Variants in ATP10B observed in about 807,000 individuals in gnomAD.
The protein encoded by ATP10B is ATPase phospholipid transporting 10B (putative), also known as phospholipid-transporting ATPase VB.
ATP10B carries 122 observed loss-of-function variants against 141.2 expected under a neutral mutation model. The ratio of observed to expected loss-of-function variants is 0.86; its 90% CI spans 0.75 to 1.00. The LOEUF is 1.00. Among genes scored for constraint, ATP10B ranks in the 50% least tolerant of loss-of-function variants. The pLI, the probability that ATP10B is intolerant of heterozygous loss-of-function variation, is 0.00. For synonymous variants in ATP10B, 685 were observed against 692.0 expected (o/e 0.99, Z 0.16); for missense variants, 1,876 against 1,825.3 (o/e 1.03, Z -0.51).
chr5:160,603,955 A>C lies in ATP10B; in HGVS notation c.3237+10T>G. On this transcript the variant is annotated intron_variant, in intron 20 of 25. Transcript: ENST00000327245. ...ACCAAAGAAAGAAGAATAGTTGCAG[A>C]GAACAATACCTGCATGCCTTCCTGT... is the stretch of plus-strand genomic sequence containing the variant. The C allele has an allele frequency of 6.2e-7, 1 of 1,606,910 alleles. No individual in the cohort carries two copies. Among genetic ancestry groups the C allele is most frequent in the Non-Finnish European group, 8.5e-7 (1 of 1,173,702 alleles).
chr5:160,823,003 T>TAC (rs1481284929), intron 1 of ATP10B, among the ~76,000 whole-genome samples: 4 of 95,756 alleles, frequency 4.2e-5, no homozygotes, highest in African/African-American at 1.8e-4. Context: ...TATATATACA[T>TAC]ATATATATAT....
chr5:160,854,536 T>C (rs1581658229), upstream of ATP10B, among the ~76,000 whole-genome samples: 1 of 152,184 alleles, frequency 6.6e-6, no homozygotes, highest in South Asian at 2.1e-4. Flanking sequence ...TATTCCATGG[T>C]GTGTATGTGC....
chr5:160,831,829 G>A (rs1775101510), intron 1 of ATP10B, among the ~76,000 whole-genome samples: 1 of 152,096 alleles, frequency 6.6e-6, no homozygotes, highest in African/African-American at 2.4e-5. Flanking sequence ...GCAATAAAGA[G>A]TTCCTTGATC....
intron 12 of ATP10B, chr5:160,633,966 C>A (rs1759136936): frequency 6.6e-5 from 24 of 361,444 alleles, no homozygotes; most frequent in South Asian, 5.1e-4. Context: ...AGACACAGAC[C>A]TGCCCTGACA....
the ATP10B span, among the ~76,000 whole-genome samples, chr5:160,892,358 G>GA: frequency 6.6e-6 from 1 of 152,206 alleles, no homozygotes; most frequent in Non-Finnish European, 1.5e-5. Flanking sequence ...ATTAGCTGAT[G>GA]AACGGCCTTG....
intron 13 of ATP10B, among the ~76,000 whole-genome samples, chr5:160,627,344 T>C (rs58872147): frequency 0.013 from 2,036 of 152,336 alleles, 50 homozygotes; most frequent in African/African-American, 0.046. Context: ...TGTAAAATCC[T>C]GAAAGCAGGA....
chr5:160,886,449 T>G, the ATP10B span, among the ~76,000 whole-genome samples: 1 of 152,250 alleles, frequency 6.6e-6, no homozygotes, highest in African/African-American at 2.4e-5. Flanking sequence ...TTAGAGGGGC[T>G]ATGTGTGTGT....
intron 2 of ATP10B, among the ~76,000 whole-genome samples, chr5:160,729,560 C>T (rs928927115): frequency 6.6e-6 from 1 of 152,028 alleles, no homozygotes; most frequent in Admixed American, 6.6e-5. Flanking sequence ...ATCAGAGTAG[C>T]GGTACAAGCA....
intron 1 of ATP10B, among the ~76,000 whole-genome samples, chr5:160,811,765 G>A (rs1773169356): frequency 6.6e-6 from 1 of 152,164 alleles, no homozygotes. Context: ...GGGCCTGGGG[G>A]AACTCATTAC....
At chr5:160,578,097 C>A (rs1181780544) in intron 24 of ATP10B, among the ~76,000 whole-genome samples, 1 of 152,058 alleles carries the variant, frequency 6.6e-6, no homozygotes, top group Non-Finnish European at 1.5e-5. Flanking sequence ...CTACTTGCAT[C>A]AACTATGAGT....
intron 7 of ATP10B, among the ~76,000 whole-genome samples, chr5:160,649,587 G>T (rs1760554692): frequency 6.6e-6 from 1 of 152,178 alleles, no homozygotes; most frequent in Non-Finnish European, 1.5e-5. Flanking sequence ...CAGTATGGAA[G>T]CCACTAATCA....
chr5:160,716,806 C>G, intron 3 of ATP10B, 103 bp downstream of exon 3: 2 of 786,948 alleles, frequency 2.5e-6, no homozygotes, highest in Non-Finnish European at 3.1e-6. Flanking sequence ...TTTCCATCAT[C>G]AAGGTGGTGT....
chr5:160,641,556 T>A (rs1347758185), intron 9 of ATP10B, among the ~76,000 whole-genome samples: 1 of 152,162 alleles, frequency 6.6e-6, no homozygotes, highest in South Asian at 2.1e-4. Flanking sequence ...AATAAGTCAA[T>A]GTCAGAGTCA....
At chr5:160,898,446 T>G in the ATP10B span, among the ~76,000 whole-genome samples, 1 of 152,342 alleles carries the variant, frequency 6.6e-6, no homozygotes, top group Middle Eastern at 3.4e-3. Flanking sequence ...CACAATGAGA[T>G]ACCATCTCAC....
chr5:160,593,745 C>A (rs543999845), intron 22 of ATP10B, among the ~76,000 whole-genome samples: 2 of 152,096 alleles, frequency 1.3e-5, no homozygotes, highest in African/African-American at 4.8e-5. Flanking sequence ...AGCCAAGGCT[C>A]GAGAACTACG....
intron 2 of ATP10B, among the ~76,000 whole-genome samples, chr5:160,731,864 A>G (rs950035549): frequency 2.6e-5 from 4 of 152,196 alleles, no homozygotes; most frequent in Non-Finnish European, 5.9e-5. Context: ...CCACCCAAAA[A>G]CAGTTCAGTT....
chr5:160,772,738 T>C (rs1158115300), intron 2 of ATP10B, among the ~76,000 whole-genome samples: 1 of 152,152 alleles, frequency 6.6e-6, no homozygotes, highest in Non-Finnish European at 1.5e-5. Context: ...ATGCTGCCCA[T>C]TTCCTACTGA....
intron 1 of ATP10B, among the ~76,000 whole-genome samples, chr5:160,813,458 G>A (rs1014232525): frequency 6.6e-6 from 1 of 152,176 alleles, no homozygotes; most frequent in Admixed American, 6.5e-5. Flanking sequence ...CACTGCTGAG[G>A]CTTGAGTAGG....
At chr5:160,687,669 G>A in intron 5 of ATP10B, 131 bp downstream of exon 5, 1 of 1,073,058 alleles carries the variant, frequency 9.3e-7, no homozygotes, top group Non-Finnish European at 1.3e-6. Context: ...GGAGGCTGAG[G>A]TGGGAGATTC....
Sources: gnomAD v4.1 joint callset for allele counts (sites outside exome capture counted in the v4.1 genomes callset) on GRCh38, gnomAD v4.1.1 for gene constraint, MANE v1.5 for transcripts, NCBI Gene and HGNC (gene_info 2026-07-23, HGNC 2026-07-21) for gene names.